The following RAB30 variants were observed in gnomAD, a reference collection of about 807,000 sequenced individuals.
RAB30 encodes RAB30, member RAS oncogene family.
In RAB30, 9 loss-of-function variants were observed where a neutral mutation model predicts 25.1. The ratio of observed to expected loss-of-function variants is 0.36; its 90% confidence interval spans 0.22 to 0.63. The LOEUF is 0.63. Among genes scored for constraint, RAB30 ranks in the 20% least tolerant of loss-of-function variants. The pLI is 0.69. For missense variants in RAB30, 140 were observed against 243.5 expected (o/e 0.58, Z 2.83); for synonymous variants, 77 against 86.4 (o/e 0.89, Z 0.60).
intron 1 of RAB30, among the ~76,000 whole-genome samples, chr11:83,061,884 G>C (rs1043983546): frequency 1.3e-4 from 19 of 151,502 alleles, no homozygotes; most frequent in African/African-American, 4.4e-4. Flanking sequence ...GGTTTGAAAG[G>C]TTTCGAATTA....
intron 1 of RAB30, among the ~76,000 whole-genome samples, chr11:83,045,152 C>T (rs1042152700): frequency 1.3e-5 from 2 of 152,128 alleles, no homozygotes; most frequent in Admixed American, 6.5e-5. Context: ...GACTCATCAC[C>T]GGAAGTGTCA....
intron 1 of RAB30, among the ~76,000 whole-genome samples, chr11:83,011,109 AT>A (rs1312760394): frequency 1.3e-5 from 2 of 152,204 alleles, no homozygotes; most frequent in East Asian, 1.9e-4. Context: ...GAAGTTTGTT[AT>A]TTTTTAAAAA....
intron 1 of RAB30, among the ~76,000 whole-genome samples, chr11:83,009,075 C>T (rs957048160): frequency 6.7e-6 from 1 of 148,866 alleles, no homozygotes; most frequent in African/African-American, 2.6e-5. Flanking sequence ...AAGCGGGAAA[C>T]CTTTTTTTTT....
At chr11:83,008,528 TTACA>T (rs1857235543) in intron 1 of RAB30, among the ~76,000 whole-genome samples, 1 of 152,242 alleles carries the variant, frequency 6.6e-6, no homozygotes, top group Non-Finnish European at 1.5e-5. Context: ...GCAGAATTTC[TTACA>T]TACTGTTACT....
At chr11:83,063,270 C>T (rs1858623503) in intron 1 of RAB30, among the ~76,000 whole-genome samples, 1 of 152,208 alleles carries the variant, frequency 6.6e-6, no homozygotes, top group Admixed American at 6.5e-5. Flanking sequence ...GCCTTTTAAC[C>T]ACCTGCTTCA....
intron 1 of RAB30, among the ~76,000 whole-genome samples, chr11:83,023,008 C>G (rs569324492): frequency 6.6e-6 from 1 of 151,966 alleles, no homozygotes; most frequent in South Asian, 2.1e-4. Flanking sequence ...CACATACACA[C>G]AAACATGAGA....
chr11:83,003,305 G>A (rs1857125387), intron 1 of RAB30, among the ~76,000 whole-genome samples: 1 of 152,020 alleles, frequency 6.6e-6, no homozygotes, highest in South Asian at 2.1e-4. Context: ...TATATTGATT[G>A]CAGAAAATAC....
At chr11:82,991,865 T>C (rs1214354121) in intron 3 of RAB30, among the ~76,000 whole-genome samples, 3 of 152,228 alleles carry the variant, frequency 2.0e-5, no homozygotes, top group Admixed American at 1.3e-4. Flanking sequence ...TCAGATGTTA[T>C]AAAAATATCA....
intron 2 of RAB30, among the ~76,000 whole-genome samples, chr11:82,994,842 A>G (rs1393187026): frequency 6.6e-6 from 1 of 152,182 alleles, no homozygotes; most frequent in African/African-American, 2.4e-5. Context: ...TAGAAACAGC[A>G]CTAAACCAGG....
At chr11:83,018,106 C>A (rs1857479408) in intron 1 of RAB30, among the ~76,000 whole-genome samples, 1 of 152,008 alleles carries the variant, frequency 6.6e-6, no homozygotes, top group Non-Finnish European at 1.5e-5. Context: ...TGAGACCATC[C>A]TGGCCAACAT....
At chr11:83,008,517 G>C (rs1857235250) in intron 1 of RAB30, among the ~76,000 whole-genome samples, 1 of 152,076 alleles carries the variant, frequency 6.6e-6, no homozygotes, top group Admixed American at 6.5e-5. Flanking sequence ...AACCCCATTG[G>C]GCAGAATTTC....
At chr11:82,990,278 T>TTTA (rs1429157151) in intron 3 of RAB30, among the ~76,000 whole-genome samples, 3 of 152,238 alleles carry the variant, frequency 2.0e-5, no homozygotes, top group Non-Finnish European at 2.9e-5. Context: ...AAGGCTGTCT[T>TTTA]TTATTTGACC....
chr11:83,006,252 C>A (rs1192368730), intron 1 of RAB30, among the ~76,000 whole-genome samples: 1 of 152,112 alleles, frequency 6.6e-6, no homozygotes, highest in African/African-American at 2.4e-5. Flanking sequence ...CTCACAAAGG[C>A]ACATGTAGTA....
intron 1 of RAB30, among the ~76,000 whole-genome samples, chr11:83,062,602 C>T (rs1387891119): frequency 6.6e-6 from 1 of 152,220 alleles, no homozygotes; most frequent in East Asian, 1.9e-4. Flanking sequence ...GAGACATGAA[C>T]CCTTTGACAA....
chr11:83,057,268 A>C (rs753502937), intron 1 of RAB30, among the ~76,000 whole-genome samples: 2 of 152,192 alleles, frequency 1.3e-5, no homozygotes, highest in Non-Finnish European at 1.5e-5. Flanking sequence ...CTGTTAGCAA[A>C]AAGATGAAAA....
intron 1 of RAB30, among the ~76,000 whole-genome samples, chr11:83,001,697 G>C (rs1467908295): frequency 6.6e-6 from 1 of 152,100 alleles, no homozygotes; most frequent in African/African-American, 2.4e-5. Flanking sequence ...TAACAGCCCA[G>C]GCATCACCAA....
At chr11:83,021,702 G>T (rs894238281) in intron 1 of RAB30, among the ~76,000 whole-genome samples, 1 of 152,232 alleles carries the variant, frequency 6.6e-6, no homozygotes. Context: ...AAGCCCAGAA[G>T]GCCTGAGCAA....
intron 1 of RAB30, among the ~76,000 whole-genome samples, chr11:83,070,438 T>C (rs1858809077): frequency 6.6e-6 from 1 of 152,216 alleles, no homozygotes; most frequent in South Asian, 2.1e-4. Context: ...AGTAAAGAAT[T>C]TCGCCCATGT....
intron 1 of RAB30, among the ~76,000 whole-genome samples, chr11:83,062,782 C>T (rs893918750): frequency 6.6e-6 from 1 of 152,040 alleles, no homozygotes; most frequent in Non-Finnish European, 1.5e-5. Context: ...GGGCGGATCG[C>T]CTGAGGTCAG....
Sources: allele counts gnomAD v4.1 joint callset (sites outside exome capture counted in the v4.1 genomes callset), GRCh38; gene constraint gnomAD v4.1.1; transcripts MANE v1.5; gene names NCBI Gene and HGNC (gene_info 2026-07-23, HGNC 2026-07-21).